CACNB2: variants seen among roughly 807,000 people sequenced by gnomAD.
CACNB2 encodes voltage-dependent L-type calcium channel subunit beta-2.
A neutral mutation model predicts 73.3 loss-of-function variants in CACNB2; 42 were observed. The ratio of observed to expected loss-of-function variants is 0.57; its 90% CI spans 0.45 to 0.74. The LOEUF (loss-of-function observed/expected upper bound fraction) is 0.74, where lower values mean the gene tolerates loss of function less well. Among genes scored for constraint, CACNB2 ranks in the 30% least tolerant of loss-of-function variants. The pLI is 0.00. For missense variants in CACNB2, 940 were observed against 853.0 expected (o/e 1.10, Z -1.27); for synonymous variants, 348 against 310.3 (o/e 1.12, Z -1.28).
chr10:18,373,341 A>C (rs2042665612), intron 2 of CACNB2, among the ~76,000 whole-genome samples: 2 of 152,160 alleles, frequency 1.3e-5, no homozygotes, highest in African/African-American at 4.8e-5. Flanking sequence ...CTACTGCTAT[A>C]TTTTGGTCTC....
chr10:18,221,281 AT>A (rs140068733), intron 2 of CACNB2, among the ~76,000 whole-genome samples: 18,357 of 152,270 alleles, frequency 0.12, 1,322 homozygotes, highest in Admixed American at 0.21. Context: ...ATGGAACAAT[AT>A]GGGAGTTCAG....
intron 2 of CACNB2, among the ~76,000 whole-genome samples, chr10:18,177,467 A>AC (rs2033663200): frequency 6.1e-5 from 2 of 32,714 alleles, no homozygotes; most frequent in Non-Finnish European, 1.4e-4. Flanking sequence ...TAAAAATGCA[A>AC]AAAAAAAAAA....
At chr10:18,511,994 T>G (rs1288681411) in intron 6 of CACNB2, among the ~76,000 whole-genome samples, 2 of 152,250 alleles carry the variant, frequency 1.3e-5, no homozygotes, top group African/African-American at 4.8e-5. Context: ...GAAGTTGATC[T>G]TTATTTCCAT....
chr10:18,400,937 G>C, intron 2 of CACNB2: 1 of 1,595,520 alleles, frequency 6.3e-7, no homozygotes, highest in East Asian at 2.3e-5. Context: ...CCAGAGCATG[G>C]ATAGGAAAGG....
At chr10:18,457,382 A>G (rs1189298755) in intron 3 of CACNB2, among the ~76,000 whole-genome samples, 1 of 151,988 alleles carries the variant, frequency 6.6e-6, no homozygotes, top group Non-Finnish European at 1.5e-5. Context: ...GAGCCACCAC[A>G]CTTGGCCCTC....
intron 2 of CACNB2, among the ~76,000 whole-genome samples, chr10:18,203,750 T>G (rs2034981447): frequency 6.6e-6 from 1 of 152,232 alleles, no homozygotes; most frequent in Non-Finnish European, 1.5e-5. Flanking sequence ...TGCTTTTTGC[T>G]AGTGGTGACT....
At chr10:18,174,018 G>A (rs2033420455) in intron 2 of CACNB2, among the ~76,000 whole-genome samples, 1 of 152,222 alleles carries the variant, frequency 6.6e-6, no homozygotes, top group East Asian at 1.9e-4. Context: ...GAGTGAAAAA[G>A]AGGATTCATT....
chr10:18,249,302 C>A (rs1315966673), intron 2 of CACNB2, among the ~76,000 whole-genome samples: 1 of 152,202 alleles, frequency 6.6e-6, no homozygotes, highest in Non-Finnish European at 1.5e-5. Context: ...CTTGGCCCAA[C>A]CAAGGACTTT....
At chr10:18,236,225 T>C (rs2131476582) in intron 2 of CACNB2, among the ~76,000 whole-genome samples, 1 of 152,312 alleles carries the variant, frequency 6.6e-6, no homozygotes, top group African/African-American at 2.4e-5. Flanking sequence ...ACCCCACACC[T>C]GGCTGATGCC....
chr10:18,477,225 A>G (rs1373591981), intron 3 of CACNB2, among the ~76,000 whole-genome samples: 1 of 152,150 alleles, frequency 6.6e-6, no homozygotes, highest in Non-Finnish European at 1.5e-5. Context: ...AAATAATAAT[A>G]ATAAACAGGG....
At chr10:18,534,340 T>C in intron 11 of CACNB2, 113 bp downstream of exon 11, 1 of 947,040 alleles carries the variant, frequency 1.1e-6, no homozygotes, top group Non-Finnish European at 1.7e-6. Context: ...ATAGAGAATT[T>C]GAGGAGACAT....
chr10:18,508,101 G>C (rs1042977082), intron 6 of CACNB2, among the ~76,000 whole-genome samples: 3 of 151,974 alleles, frequency 2.0e-5, no homozygotes, highest in African/African-American at 7.3e-5. Flanking sequence ...ACTGATCATG[G>C]GCTTTTTTTG....
In CACNB2 at chr10:18,220,110, AATATATATATAT is replaced by A. The variant is rs1165921150; in HGVS notation, c.213+69169_213+69180del. On this transcript the variant is annotated intron_variant, in intron 2 of 13. Coordinates refer to ENST00000324631, the MANE Select transcript of CACNB2 (RefSeq NM_201596.3). ...TCCTCTTCTCCTTTTTTTATTTTTT[AATATATATATAT>A]ATATATATATATATATATATATATA... 9.5e-3 allele frequency among the ~76,000 whole-genome samples: 311 copies of A among 32,728 alleles called. 12 individuals are homozygous for A. The highest frequency in any genetic ancestry group is 0.035 in the African/African-American group (248 of 7,162). The allele number at this position is 32,728 out of a possible 152,430, so 21.5% of individuals were successfully genotyped here.
chr10:18,224,553 C>T (rs2035915597), intron 2 of CACNB2, among the ~76,000 whole-genome samples: 1 of 152,128 alleles, frequency 6.6e-6, no homozygotes, highest in Non-Finnish European at 1.5e-5. Context: ...CTCATATTCT[C>T]ATTTTACCCC....
chr10:18,348,664 C>A (rs952085118), intron 2 of CACNB2, among the ~76,000 whole-genome samples: 1 of 152,078 alleles, frequency 6.6e-6, no homozygotes, highest in Non-Finnish European at 1.5e-5. Flanking sequence ...CCACCATGCC[C>A]GGCTATTTTT....
At chr10:18,495,524 A>G (rs968714410) in intron 3 of CACNB2, among the ~76,000 whole-genome samples, 3 of 151,114 alleles carry the variant, frequency 2.0e-5, no homozygotes, top group Middle Eastern at 3.4e-3. Flanking sequence ...CGGCCAAAAT[A>G]TATTTTTAAA....
At chr10:18,480,263 C>T (rs2048654424) in intron 3 of CACNB2, among the ~76,000 whole-genome samples, 1 of 133,076 alleles carries the variant, frequency 7.5e-6, no homozygotes, top group Non-Finnish European at 1.7e-5. Flanking sequence ...GATCACAATT[C>T]ACTTTTAATT....
At chr10:18,412,424 C>G (rs1332152012) in intron 3 of CACNB2, among the ~76,000 whole-genome samples, 1 of 152,116 alleles carries the variant, frequency 6.6e-6, no homozygotes, top group African/African-American at 2.4e-5. Context: ...TTTTTCCCTT[C>G]TTTCTACTGC....
At chr10:18,281,163 T>C (rs1005466944) in intron 2 of CACNB2, among the ~76,000 whole-genome samples, 4 of 152,174 alleles carry the variant, frequency 2.6e-5, no homozygotes, top group African/African-American at 9.7e-5. Context: ...AACAAGATAA[T>C]ACTCATTAGT....
Sources: gnomAD v4.1 joint callset for allele counts (sites outside exome capture counted in the v4.1 genomes callset) on GRCh38, gnomAD v4.1.1 for gene constraint, MANE v1.5 for transcripts, NCBI Gene and HGNC (gene_info 2026-07-23, HGNC 2026-07-21) for gene names.